NCAPH2: variants seen among roughly 807,000 people sequenced by gnomAD.
The protein encoded by NCAPH2 is non-SMC condensin II complex subunit H2, also known as condensin-2 complex subunit H2.
NCAPH2 carries 56 observed loss-of-function variants against 88.6 expected under a neutral mutation model. The observed-to-expected ratio is 0.63, with a 90% CI of 0.51 to 0.79. The LOEUF (loss-of-function observed/expected upper bound fraction) is 0.79. Ranked by LOEUF, NCAPH2 falls within the 30% of genes least tolerant of loss-of-function variation. NCAPH2 has a pLI of 0.00. For missense variants in NCAPH2, 794 were observed against 792.0 expected (o/e 1.00, Z -0.03); for synonymous variants, 378 against 313.6 (o/e 1.21, Z -2.17).
In NCAPH2 at chr22:50,524,202, TCCAGC is replaced by T. The variant is rs2069223027; in HGVS notation, c.*830_*834del. 6.2e-7 allele frequency: 1 copy of T among 1,608,096 alleles called. No individual in the cohort carries two copies. Among genetic ancestry groups the T allele is most frequent in the African/African-American group, 1.3e-5 (1 of 74,858 alleles). On this transcript the variant is annotated 3_prime_UTR_variant, in exon 20 of 20. Transcript: ENST00000420993. Reference sequence around the variant, plus strand: ...TCAGGGCCAGCCAGGCCCCACCGAGTCCAGCCCCGAACAGGCCTGTGATCAGCAGC... The same window carrying T: ...TCAGGGCCAGCCAGGCCCCACCGAGTCCCGAACAGGCCTGTGATCAGCAGC...
chr22:50,524,750 CT>C lies in NCAPH2; in HGVS notation c.*1376del. The C allele has an allele frequency of 1.9e-6, 1 of 521,276 alleles. No individual in the cohort carries two copies. The highest frequency in any genetic ancestry group is 1.6e-5 in the South Asian group (1 of 62,952). The allele number at this position is 521,276 out of a possible 1,614,324, so 32.3% of individuals were successfully genotyped here. On this transcript the variant is annotated 3_prime_UTR_variant, in exon 20 of 20. Coordinates refer to ENST00000420993, the MANE Select transcript of NCAPH2 (RefSeq NM_152299.4). ...GCCTTGCCTGAACTAACCACGTTAT[CT>C]ATTTGCAATAAACCCATTTCTTAAA...
Position 50,524,313 on chromosome 22 carries a change from C to T in NCAPH2, c.*938C>T. 4 of 1,602,208 alleles carry T rather than the reference C, an allele frequency of 2.5e-6. No homozygotes were observed. The highest frequency in any genetic ancestry group is 3.4e-6 in the Non-Finnish European group (4 of 1,179,832). On this transcript the variant is annotated 3_prime_UTR_variant, in exon 20 of 20. Transcript: ENST00000420993. ...CCTGCCTTGACAAAAGCCAGGACCT[C>T]AGATGCAGGGCCTGGCCTCCCAGGG...
At chr22:50,508,611 C>T (rs997076243) in intron 1 of NCAPH2, among the ~76,000 whole-genome samples, 166 bp downstream of exon 1, 2 of 152,256 alleles carry the variant, frequency 1.3e-5, no homozygotes, top group African/African-American at 4.8e-5. Flanking sequence ...AACTCCATCT[C>T]TGCCTCCCCA....
rs2069144976 is a variant in NCAPH2 at position 50,522,702 on chromosome 22, G to C, written c.1407G>C (p.Glu469Asp). 6.2e-7 allele frequency: 1 copy of C among 1,613,730 alleles called. No homozygotes were observed. Among genetic ancestry groups the C allele is most frequent in the Non-Finnish European group, 8.5e-7 (1 of 1,180,008 alleles). The change falls in exon 17 of 20, where the codon GAG (glutamate) becomes GAC (aspartate). Residue 469 changes from glutamate to aspartate, a missense_variant. Glu to Asp is a conservative substitution (Grantham distance 45). Around this residue, in one of 2 missense-constraint regions of NCAPH2, gnomAD observed 735 missense variants for 696.3 expected, o/e 1.06. Transcript: ENST00000420993. ...DAVPMSLSYE[E>D]LVRRNVELFI... Reference sequence around the variant, plus strand: ...TGCCGATGTCCCTGAGCTACGAGGAGCTGGTTCGAAGGAATGTGGTAGGCC... The same window carrying C: ...TGCCGATGTCCCTGAGCTACGAGGACCTGGTTCGAAGGAATGTGGTAGGCC...
intron 11 of NCAPH2, 63 bp from the exon 12 acceptor site, chr22:50,521,678 G>GT: frequency 6.2e-7 from 1 of 1,609,218 alleles, no homozygotes; most frequent in Non-Finnish European, 8.5e-7. Flanking sequence ...AGGTGGGGGG[G>GT]TGGGAGTGGG....
chr22:50,522,675 A>G lies in NCAPH2; in HGVS notation c.1380A>G (p.Ala460=), dbSNP rs1217528201. The change falls in exon 17 of 20, where the codon GCA becomes GCG. Residue 460 remains alanine (A), a synonymous_variant. Transcript: ENST00000420993. ...CTCACAGCTACCCCTTCCCAGACGC[A>G]GTGCCGATGTCCCTGAGCTACGAGG... is the stretch of plus-strand genomic sequence containing the variant. The part of the protein sequence containing the change: ...ADPREAADLD[A]VPMSLSYEEL... 1.6e-5 allele frequency: 26 copies of G among 1,613,446 alleles called. No individual in the cohort carries two copies. The highest frequency in any genetic ancestry group is 2.7e-5 in the African/African-American group (2 of 74,858).
chr22:50,508,412 C>T lies in NCAPH2; in HGVS notation c.75C>T (p.Asp25=). 3 of 1,238,768 alleles carry T rather than the reference C, an allele frequency of 2.4e-6. No individual in the cohort carries two copies. The highest frequency in any genetic ancestry group is 3.1e-6 in the Non-Finnish European group (3 of 966,960). 76.7% of individuals were successfully genotyped at this position (1,238,768 alleles called of 1,614,324 possible). The change falls in exon 1 of 20, where the codon GAC becomes GAT. Residue 25 remains aspartate, a synonymous_variant. Transcript: ENST00000420993. ...IRDLTKNWEV[D]VAAQLGEYLE... is the part of the protein sequence containing the mutation. ...ACCTCACCAAGAACTGGGAGGTGGA[C>T]GTGGCGGCCCAGCTGGGCGAGTATC...
chr22:50,516,599 C>T, intron 2 of NCAPH2, 51 bp downstream of exon 2: 2 of 1,547,800 alleles, frequency 1.3e-6, no homozygotes, highest in Non-Finnish European at 1.8e-6. Context: ...AGTGGGACCA[C>T]AGTCGGCTCT....
Position 50,522,830 on chromosome 22 carries a change from A to T in NCAPH2, c.1435A>T (p.Ile479Phe). 1 of 1,613,264 alleles carries T rather than the reference A, an allele frequency of 6.2e-7. No individual in the cohort carries two copies. Among genetic ancestry groups the T allele is most frequent in the South Asian group, 1.1e-5 (1 of 91,074 alleles). The change falls in exon 18 of 20, where the codon ATC becomes TTC. Residue 479 changes from isoleucine (I) to phenylalanine (F), a missense_variant. Transcript: ENST00000420993. ...GCTGATCCTCCCCTAGGAGCTCTTC[A>T]TCGCCACCTCCCAGAAGTTTGTCCA... ...ELVRRNVELF[I>F]ATSQKFVQET...
intron 1 of NCAPH2, among the ~76,000 whole-genome samples, chr22:50,508,962 C>T (rs1256086348): frequency 6.6e-6 from 1 of 152,212 alleles, no homozygotes; most frequent in Non-Finnish European, 1.5e-5. Context: ...TTTTACTCCT[C>T]AGCCCAGCTC....
chr22:50,508,293 G>A lies in NCAPH2; in HGVS notation c.-45G>A. ...GCGGGCTGAGGACGCCGTACCCCTC[G>A]GAAGGCAGCCCTGCGGTCCCTTTGC... is the stretch of plus-strand genomic sequence containing the variant. On this transcript the variant is annotated 5_prime_UTR_variant, in exon 1 of 20. Transcript: ENST00000420993. The A allele has an allele frequency of 7.1e-7, 1 of 1,404,448 alleles. No individual in the cohort carries two copies. Among genetic ancestry groups the A allele is most frequent in the South Asian group, 1.4e-5 (1 of 72,506 alleles). 87.0% of individuals were successfully genotyped at this position (1,404,448 alleles called of 1,614,324 possible).
At chr22:50,515,820 G>C (rs1196380846) in intron 1 of NCAPH2, 12 of 1,287,584 alleles carry the variant, frequency 9.3e-6, no homozygotes, top group Non-Finnish European at 1.2e-5. Context: ...AATGTACTCT[G>C]TGGACAGCTA....
Position 50,522,864 on chromosome 22 carries a change from A to G in NCAPH2, c.1469A>G (p.Glu490Gly), listed in dbSNP as rs1283535638. The part of the protein sequence containing the change: ...ATSQKFVQET[E>G]LSQRIRDWED... The stretch of plus-strand genomic sequence containing the variant: ...TCCCAGAAGTTTGTCCAGGAGACAG[A>G]GCTGAGCCAGCGCATCAGGGACTGG... Residue 490 changes from glutamate (E) to glycine (G), a missense_variant, in exon 18 of 20, where the codon GAG (glutamate) becomes GGG (glycine). By Grantham distance (98) the Glu-to-Gly change is moderately conservative. This residue lies in a region of NCAPH2 where 735 missense variants were observed against 696.3 expected (regional missense o/e 1.06). Transcript: ENST00000420993. The G allele has an allele frequency of 6.2e-7, 1 of 1,613,330 alleles. No homozygotes were observed. The highest frequency in any genetic ancestry group is 1.7e-5 in the Admixed American group (1 of 59,998).
Position 50,524,521 on chromosome 22 carries a change from C to G in NCAPH2, c.*1146C>G. On this transcript the variant is annotated 3_prime_UTR_variant, in exon 20 of 20. Coordinates refer to ENST00000420993, the MANE Select transcript of NCAPH2 (RefSeq NM_152299.4). ...TGAGACCAGCCACCCATCTGAAGGA[C>G]CCAGCCCACGTTCAGGCTTAACAGG... The G allele has an allele frequency of 9.0e-7, 1 of 1,108,798 alleles. No homozygotes were observed. Among genetic ancestry groups the G allele is most frequent in the Non-Finnish European group, 1.3e-6 (1 of 741,156 alleles). The allele number at this position is 1,108,798 out of a possible 1,614,324, so 68.7% of individuals were successfully genotyped here. A position where few individuals can be genotyped will look rare whatever the true frequency, so the allele number is the denominator to read the frequency against.
intron 1 of NCAPH2, 41 bp downstream of exon 1, chr22:50,508,486 T>TGGGGGGGGGGGGGGGGGGGGGG: frequency 7.6e-6 from 1 of 131,976 alleles, no homozygotes; most frequent in Non-Finnish European, 1.4e-5. Context: ...GGCCGGCGGG[T>TGGGGGGGGGGGGGGGGGGGGGG]GGGGCTGCGG....
chr22:50,516,606 C>T, intron 2 of NCAPH2, 58 bp downstream of exon 2: 2 of 1,525,580 alleles, frequency 1.3e-6, no homozygotes, highest in Admixed American at 1.7e-5. Context: ...CCACAGTCGG[C>T]TCTCCTTCTG....
chr22:50,514,173 A>G (rs1005420541), intron 1 of NCAPH2, among the ~76,000 whole-genome samples: 13 of 152,144 alleles, frequency 8.5e-5, no homozygotes, highest in Non-Finnish European at 1.5e-5. Flanking sequence ...GAGGGCAGGC[A>G]GCTGGAGAGG....
intron 11 of NCAPH2, 22 bp from the exon 12 acceptor site, chr22:50,521,719 G>T (rs768217884): frequency 6.2e-7 from 1 of 1,613,612 alleles, no homozygotes; most frequent in Non-Finnish European, 8.5e-7. Context: ...GCGGCTCTAA[G>T]ACAGTCCCTG....
At chr22:50,510,189 G>A (rs2148654745) in intron 1 of NCAPH2, among the ~76,000 whole-genome samples, 1 of 152,248 alleles carries the variant, frequency 6.6e-6, no homozygotes, top group Middle Eastern at 3.4e-3. Flanking sequence ...CCAAAGTGCT[G>A]GGATTACAGG....
Sources: gnomAD v4.1 joint callset for allele counts (sites outside exome capture counted in the v4.1 genomes callset) on GRCh38, gnomAD v4.1.1 for gene constraint, gnomAD v4.1.1 regional missense constraint, MANE v1.5 for transcripts, NCBI Gene and HGNC (gene_info 2026-07-23, HGNC 2026-07-21) for gene names.